Variants in ACER3 observed in about 807,000 individuals in gnomAD.
ACER3 encodes alkCDase 3.
ACER3 carries 16 observed loss-of-function variants against 48.9 expected under a neutral mutation model. The ratio of observed to expected loss-of-function variants is 0.33; its 90% confidence interval spans 0.22 to 0.50. The LOEUF (loss-of-function observed/expected upper bound fraction) is 0.50. ACER3 is among the 20% of genes least tolerant of loss of function. The pLI is 0.98. For synonymous variants in ACER3, 109 were observed against 107.8 expected (o/e 1.01, Z -0.07); for missense variants, 227 against 326.0 (o/e 0.70, Z 2.34).
chr11:76,878,145 A>G (rs896499019), intron 1 of ACER3, among the ~76,000 whole-genome samples: 2 of 151,982 alleles, frequency 1.3e-5, no homozygotes, highest in African/African-American at 4.8e-5. Flanking sequence ...ATTCTTGTGC[A>G]TCTTCTGGTA....
At chr11:76,901,845 A>G (rs922538892) in intron 1 of ACER3, among the ~76,000 whole-genome samples, 2 of 152,146 alleles carry the variant, frequency 1.3e-5, no homozygotes, top group African/African-American at 2.4e-5. Flanking sequence ...TTTAACTACC[A>G]GGCCCAGGGT....
intron 2 of ACER3, among the ~76,000 whole-genome samples, chr11:76,931,117 A>T (rs1449063943): frequency 2.2e-5 from 3 of 135,450 alleles, no homozygotes; most frequent in Non-Finnish European, 3.2e-5. Flanking sequence ...TTTGTAGGTC[A>T]CTAAGGACTT....
chr11:77,007,487 C>G (rs1949179447), intron 7 of ACER3, among the ~76,000 whole-genome samples: 1 of 152,170 alleles, frequency 6.6e-6, no homozygotes, highest in Non-Finnish European at 1.5e-5. Flanking sequence ...AGCTCCCTCT[C>G]CCTACTAGGC....
chr11:76,933,070 AAAG>A (rs1792241438), intron 2 of ACER3, among the ~76,000 whole-genome samples: 1 of 151,650 alleles, frequency 6.6e-6, no homozygotes, highest in Admixed American at 6.6e-5. Flanking sequence ...TAGTGAAAGG[AAAG>A]AAGAACATTA....
intron 3 of ACER3, among the ~76,000 whole-genome samples, chr11:76,966,528 C>A (rs1255056989): frequency 1.3e-5 from 2 of 150,862 alleles, no homozygotes; most frequent in East Asian, 3.8e-4. Context: ...ACCACACCAC[C>A]CCTATTCCAA....
chr11:76,983,472 T>A (rs1948627939), intron 4 of ACER3, among the ~76,000 whole-genome samples: 1 of 152,012 alleles, frequency 6.6e-6, no homozygotes, highest in Admixed American at 6.6e-5. Flanking sequence ...CGCTCCACCA[T>A]GCCCAGCTAA....
At chr11:76,964,517 C>T (rs1202878745) in intron 3 of ACER3, among the ~76,000 whole-genome samples, 3 of 151,376 alleles carry the variant, frequency 2.0e-5, no homozygotes, top group Non-Finnish European at 4.4e-5. Flanking sequence ...ACTGCCTCCT[C>T]AAGTGGGTCC....
At chr11:76,864,792 G>T (rs1179173552) in intron 1 of ACER3, among the ~76,000 whole-genome samples, 1 of 151,044 alleles carries the variant, frequency 6.6e-6, no homozygotes, top group Admixed American at 6.6e-5. Flanking sequence ...TGGAGACGGG[G>T]TTTCACCATT....
At chr11:76,882,249 C>T (rs975108718) in intron 1 of ACER3, among the ~76,000 whole-genome samples, 2 of 73,912 alleles carry the variant, frequency 2.7e-5, no homozygotes, top group Non-Finnish European at 6.7e-5. Context: ...TCGTAATCTG[C>T]CCGCGTCAAC....
intron 3 of ACER3, among the ~76,000 whole-genome samples, chr11:76,963,503 A>G (rs1408055241): frequency 6.6e-6 from 1 of 151,224 alleles, no homozygotes; most frequent in Non-Finnish European, 1.5e-5. Flanking sequence ...ACCCTGACCT[A>G]TTTCAATGGT....
At chr11:76,977,929 G>A (rs2135160205) in intron 4 of ACER3, among the ~76,000 whole-genome samples, 1 of 152,332 alleles carries the variant, frequency 6.6e-6, no homozygotes. Flanking sequence ...GCAAAGCTGT[G>A]GCCGAGCCCG....
intron 2 of ACER3, among the ~76,000 whole-genome samples, chr11:76,955,090 T>G (rs1028189991): frequency 6.6e-6 from 1 of 152,102 alleles, no homozygotes; most frequent in Non-Finnish European, 1.5e-5. Flanking sequence ...TCACATCCAT[T>G]AGGATGGCTG....
intron 7 of ACER3, among the ~76,000 whole-genome samples, chr11:77,013,446 G>A (rs1210891797): frequency 1.3e-5 from 2 of 152,134 alleles, no homozygotes; most frequent in Non-Finnish European, 2.9e-5. Flanking sequence ...CAAAGAAGAT[G>A]TATGGGTAGT....
At chr11:76,932,215 G>A (rs2134851950) in intron 2 of ACER3, among the ~76,000 whole-genome samples, 1 of 152,242 alleles carries the variant, frequency 6.6e-6, no homozygotes, top group South Asian at 2.1e-4. Context: ...CTCCCAAAGT[G>A]CTGGGATTAC....
chr11:77,008,091 G>T (rs1949190848), intron 7 of ACER3, among the ~76,000 whole-genome samples: 1 of 152,014 alleles, frequency 6.6e-6, no homozygotes, highest in Admixed American at 6.6e-5. Flanking sequence ...AAAAAGAAAA[G>T]ACATGGAACT....
chr11:76,876,173 T>C (rs563178617), intron 1 of ACER3, among the ~76,000 whole-genome samples: 118 of 152,290 alleles, frequency 7.7e-4, no homozygotes, highest in Non-Finnish European at 1.3e-3. Flanking sequence ...TATCAAGATG[T>C]GGAACTTTAC....
At chr11:76,980,196 T>C (rs189607584) in intron 4 of ACER3, among the ~76,000 whole-genome samples, 22 of 152,186 alleles carry the variant, frequency 1.4e-4, no homozygotes, top group African/African-American at 5.1e-4. Context: ...GCCAAGAGAT[T>C]GGCTCTTGAG....
intron 2 of ACER3, among the ~76,000 whole-genome samples, chr11:76,948,031 G>T (rs1350466442): frequency 6.6e-6 from 1 of 152,206 alleles, no homozygotes. Context: ...GGCTCTTCAT[G>T]TGGTTCCTAT....
intron 7 of ACER3, chr11:77,011,253 A>G: frequency 2.4e-6 from 2 of 820,890 alleles, no homozygotes; most frequent in Non-Finnish European, 2.9e-6. Flanking sequence ...CCTTGCATGG[A>G]CCATGTGCTG....
Sources: gnomAD v4.1 joint callset for allele counts (sites outside exome capture counted in the v4.1 genomes callset) on GRCh38, gnomAD v4.1.1 for gene constraint, MANE v1.5 for transcripts, NCBI Gene and HGNC (gene_info 2026-07-23, HGNC 2026-07-21) for gene names.